SHTN1: variants seen among roughly 807,000 people sequenced by gnomAD.
SHTN1 encodes shootin 1, also known as shootin-1.
A neutral mutation model predicts 83.1 loss-of-function variants in SHTN1; 42 were observed. The ratio of observed to expected loss-of-function variants is 0.51; its 90% CI spans 0.39 to 0.65. The LOEUF (loss-of-function observed/expected upper bound fraction) is 0.65, where lower values mean the gene tolerates loss of function less well. Ranked by LOEUF, SHTN1 falls within the 30% of genes least tolerant of loss-of-function variation. The pLI is 0.00. For missense variants in SHTN1, 622 were observed against 737.8 expected, an observed-to-expected ratio of 0.84 and a Z score of 1.82; for synonymous variants, 224 against 247.7, an observed-to-expected ratio of 0.90 and a Z score of 0.90.
chr10:116,915,702 T>C (rs1848359814), intron 12 of SHTN1, among the ~76,000 whole-genome samples: 1 of 152,162 alleles, frequency 6.6e-6, no homozygotes. Flanking sequence ...ATAAGAGTTA[T>C]AAAAATTTGT....
intron 1 of SHTN1, among the ~76,000 whole-genome samples, chr10:117,065,860 G>GGAAC (rs1564947552): frequency 1.0e-5 from 1 of 97,830 alleles, no homozygotes; most frequent in Admixed American, 1.0e-4. Context: ...AAGGAAAGGA[G>GGAAC]GGAGGGAGGG....
chr10:117,090,291 T>C (rs943656998), intron 1 of SHTN1, among the ~76,000 whole-genome samples: 5 of 152,070 alleles, frequency 3.3e-5, no homozygotes, highest in Admixed American at 2.0e-4. Flanking sequence ...ACTAAGTCAG[T>C]TTAAATAAGC....
At chr10:116,967,743 A>G (rs1349211282) in intron 3 of SHTN1, among the ~76,000 whole-genome samples, 1 of 152,214 alleles carries the variant, frequency 6.6e-6, no homozygotes, top group Admixed American at 6.5e-5. Context: ...CTCAGGAACT[A>G]TTTAGATTAC....
chr10:116,953,635 T>TTG (rs1224010886), intron 5 of SHTN1, among the ~76,000 whole-genome samples: 2 of 143,196 alleles, frequency 1.4e-5, no homozygotes, highest in Non-Finnish European at 3.1e-5. Context: ...TTTTTTTTTT[T>TTG]TTTTTTTTTT....
chr10:116,990,522 CTTAA>C (rs1851390674), intron 1 of SHTN1, among the ~76,000 whole-genome samples: 2 of 152,072 alleles, frequency 1.3e-5, no homozygotes, highest in Admixed American at 1.3e-4. Flanking sequence ...GGAACATTCT[CTTAA>C]TTGTCTTAAC....
chr10:117,044,679 C>A (rs1010976744), intron 2 of SHTN1, among the ~76,000 whole-genome samples: 2 of 151,990 alleles, frequency 1.3e-5, no homozygotes, highest in Non-Finnish European at 2.9e-5. Context: ...AGAGTGGAAA[C>A]ATCAGAATTA....
intron 2 of SHTN1, among the ~76,000 whole-genome samples, chr10:117,026,038 GA>G (rs1024275655): frequency 6.6e-6 from 1 of 152,140 alleles, no homozygotes; most frequent in Non-Finnish European, 1.5e-5. Context: ...AAAGCAGAGG[GA>G]AAACTTAAGG....
At chr10:116,915,063 C>T (rs963596976) in intron 13 of SHTN1, among the ~76,000 whole-genome samples, 1 of 152,082 alleles carries the variant, frequency 6.6e-6, no homozygotes, top group Non-Finnish European at 1.5e-5. Context: ...TAGAATCACA[C>T]AAAAGAATCA....
intron 1 of SHTN1, among the ~76,000 whole-genome samples, chr10:116,999,561 T>A (rs547854105): frequency 1.6e-4 from 25 of 152,370 alleles, no homozygotes; most frequent in African/African-American, 5.8e-4. Flanking sequence ...TAGTTAATTG[T>A]ACTTTTCACT....
chr10:117,115,842 A>G (rs1227374884), intron 1 of SHTN1, among the ~76,000 whole-genome samples: 3 of 152,190 alleles, frequency 2.0e-5, no homozygotes, highest in Non-Finnish European at 4.4e-5. Flanking sequence ...AATCCTCTCA[A>G]TAGCTCTACA....
intron 14 of SHTN1, among the ~76,000 whole-genome samples, chr10:116,909,110 T>C (rs750243623): frequency 2.0e-5 from 3 of 152,202 alleles, no homozygotes; most frequent in Non-Finnish European, 2.9e-5. Context: ...TCCTTCACTT[T>C]ATAGAAAAGA....
intron 2 of SHTN1, among the ~76,000 whole-genome samples, chr10:117,036,779 A>G (rs1314665943): frequency 6.6e-6 from 1 of 152,240 alleles, no homozygotes; most frequent in African/African-American, 2.4e-5. Flanking sequence ...CTATAAGAGT[A>G]TAATAGAATT....
chr10:116,998,603 T>C (rs1851717740), intron 1 of SHTN1, among the ~76,000 whole-genome samples: 1 of 152,178 alleles, frequency 6.6e-6, no homozygotes, highest in African/African-American at 2.4e-5. Flanking sequence ...TATCCATGAT[T>C]TCAGGCACCT....
chr10:116,978,769 T>C (rs2062226977), intron 2 of SHTN1, among the ~76,000 whole-genome samples: 1 of 152,196 alleles, frequency 6.6e-6, no homozygotes, highest in Non-Finnish European at 1.5e-5. Context: ...TCACAGTGGA[T>C]GCTTCTCAAC....
chr10:117,068,613 GAA>G (rs776683897), intron 1 of SHTN1, among the ~76,000 whole-genome samples: 5 of 131,014 alleles, frequency 3.8e-5, no homozygotes, highest in Admixed American at 7.8e-5. Flanking sequence ...GACTCCATCT[GAA>G]AAAAAAAAAA....
upstream of SHTN1, among the ~76,000 whole-genome samples, chr10:117,009,847 G>A (rs1301356573): frequency 6.6e-6 from 1 of 152,016 alleles, no homozygotes; most frequent in Non-Finnish European, 1.5e-5. Context: ...AGCTTGCAAT[G>A]AGCCGAGATC....
At chr10:116,931,165 T>C (rs1287602183) in intron 9 of SHTN1, among the ~76,000 whole-genome samples, 1 of 151,328 alleles carries the variant, frequency 6.6e-6, no homozygotes, top group Non-Finnish European at 1.5e-5. Flanking sequence ...AGGCTTTCGA[T>C]TCAGTAAAAC....
chr10:117,098,714 T>C (rs565939959), intron 1 of SHTN1, among the ~76,000 whole-genome samples: 40 of 152,206 alleles, frequency 2.6e-4, no homozygotes, highest in South Asian at 8.3e-4. Flanking sequence ...ACTTAGCAAA[T>C]AGAAGAAAAA....
intron 1 of SHTN1, among the ~76,000 whole-genome samples, chr10:117,093,818 C>A (rs1448741217): frequency 6.6e-6 from 1 of 152,180 alleles, no homozygotes; most frequent in Non-Finnish European, 1.5e-5. Context: ...AAGCCAAACA[C>A]TCAGCAATAT....
Sources: gnomAD v4.1 joint callset for allele counts (sites outside exome capture counted in the v4.1 genomes callset) on GRCh38, gnomAD v4.1.1 for gene constraint, MANE v1.5 for transcripts, NCBI Gene and HGNC (gene_info 2026-07-23, HGNC 2026-07-21) for gene names.